The following CHD7 variants were observed in gnomAD, a reference collection of about 807,000 sequenced individuals.
CHD7 encodes ATP-dependent chromatin remodeler CHD7.
A neutral mutation model predicts 307.3 loss-of-function variants in CHD7; 24 were observed. The observed-to-expected ratio is 0.08, with a 90% confidence interval of 0.06 to 0.11. The LOEUF is 0.11. Among genes scored for constraint, CHD7 ranks in the 10% least tolerant of loss-of-function variants. CHD7 has a pLI of 1.00. For missense variants in CHD7, 3,106 were observed against 3,727.1 expected, an observed-to-expected ratio of 0.83 and a Z score of 4.34; for synonymous variants, 1,363 against 1,349.9, an observed-to-expected ratio of 1.01 and a Z score of -0.21.
At position 60,742,886 on chromosome 8, in the gene CHD7, T is replaced by C. The variant is rs1313748646; in HGVS notation, c.1454T>C (p.Leu485Pro). The C allele has an allele frequency of 7.4e-6, 12 of 1,612,354 alleles. No homozygotes were observed. The highest frequency in any genetic ancestry group is 6.7e-5 in the East Asian group (3 of 44,846). Residue 485 changes from leucine (L) to proline (P), a missense_variant, in exon 2 of 38, where the codon CTT becomes CCT. Coordinates refer to ENST00000423902, the MANE Select transcript of CHD7 (RefSeq NM_017780.4). The stretch of plus-strand genomic sequence containing the variant: ...CCAAATGGTTGTCCTGGTGTTGGCC[T>C]TGGAGACCCACAAGCAATCCAGGAA... ...MRPNGCPGVG[L>P]GDPQAIQERL...
At chr8:60,715,211 G>C (rs902698899) in intron 1 of CHD7, among the ~76,000 whole-genome samples, 8 of 152,160 alleles carry the variant, frequency 5.3e-5, no homozygotes, top group Admixed American at 3.9e-4. Context: ...ACTTTGGAGT[G>C]CATTTTTATT....
In CHD7 at chr8:60,742,980, A is replaced by C; in HGVS notation, c.1548A>C (p.Pro516=). The part of the protein sequence containing the change: ...PSFQQLPTCP[P]LQPHPGLHHQ... Reference sequence around the variant, plus strand: ...TTCAGCAGTTGCCAACCTGTCCTCCACTGCAGCCTCACCCGGGCTTGCACC... The same window carrying C: ...TTCAGCAGTTGCCAACCTGTCCTCCCCTGCAGCCTCACCCGGGCTTGCACC... The change falls in exon 2 of 38, where the codon CCA becomes CCC. Residue 516 remains proline, a synonymous_variant. Coordinates refer to ENST00000423902, the MANE Select transcript of CHD7 (RefSeq NM_017780.4). 1 of 1,613,754 alleles carries C rather than the reference A, an allele frequency of 6.2e-7. No homozygotes were observed. Among genetic ancestry groups the C allele is most frequent in the Non-Finnish European group, 8.5e-7 (1 of 1,179,796 alleles).
chr8:60,690,650 A>G (rs1042106509), intron 1 of CHD7, among the ~76,000 whole-genome samples: 6 of 152,218 alleles, frequency 3.9e-5, no homozygotes, highest in African/African-American at 1.4e-4. Context: ...ACACAATTCA[A>G]GGACATAAGT....
At chr8:60,820,773 A>ACT (rs1803990390) in intron 9 of CHD7, among the ~76,000 whole-genome samples, 1 of 151,698 alleles carries the variant, frequency 6.6e-6, no homozygotes, top group South Asian at 2.1e-4. Flanking sequence ...TCTGCAAAGA[A>ACT]CTCTCATTTT....
chr8:60,819,120 A>G (rs1384103607), intron 8 of CHD7, among the ~76,000 whole-genome samples: 1 of 151,846 alleles, frequency 6.6e-6, no homozygotes, highest in Non-Finnish European at 1.5e-5. Flanking sequence ...TGCCCAGCTT[A>G]TTTTTTGTAT....
intron 15 of CHD7, among the ~76,000 whole-genome samples, chr8:60,832,452 G>A (rs894995514): frequency 6.6e-6 from 1 of 152,194 alleles, no homozygotes; most frequent in African/African-American, 2.4e-5. Flanking sequence ...GTTACGGTGA[G>A]TGTTAACTAG....
intron 11 of CHD7, among the ~76,000 whole-genome samples, 151 bp downstream of exon 11, chr8:60,822,296 A>G (rs1405836014): frequency 6.6e-6 from 1 of 152,200 alleles, no homozygotes; most frequent in Admixed American, 6.5e-5. Flanking sequence ...TATTTAATAA[A>G]TATTAATACA....
chr8:60,778,059 A>G (rs1275909710), intron 2 of CHD7, among the ~76,000 whole-genome samples: 1 of 129,350 alleles, frequency 7.7e-6, no homozygotes, highest in Non-Finnish European at 1.6e-5. Context: ...AAAATTAAAT[A>G]GTATTAGAGA....
At position 60,851,057 on chromosome 8, in the gene CHD7, G is replaced by A; in HGVS notation, c.5560G>A (p.Asp1854Asn). The A allele has an allele frequency of 1.3e-6, 2 of 1,573,936 alleles. No homozygotes were observed. The highest frequency in any genetic ancestry group is 1.7e-6 in the Non-Finnish European group (2 of 1,158,658). The change falls in exon 27 of 38, where the codon GAC becomes AAC. Residue 1854 changes from aspartate (D) to asparagine (N), a missense_variant. By Grantham distance (23) the Asp-to-Asn change is conservative (BLOSUM62 1). This residue lies in a region of CHD7 where 1,030 missense variants were observed against 1,165.4 expected (regional missense o/e 0.88). Coordinates refer to ENST00000423902, the MANE Select transcript of CHD7 (RefSeq NM_017780.4). ...DGGEFDREDE[D>N]PEYKPTRTPF... ...GGGAGAATTTGATAGAGAAGATGAA[G>A]ACCCAGAATATAAACCAACCAGAAC...
chr8:60,694,140 A>G (rs947250497), intron 1 of CHD7, among the ~76,000 whole-genome samples: 5 of 152,256 alleles, frequency 3.3e-5, no homozygotes, highest in African/African-American at 4.8e-5. Flanking sequence ...TAAAGAGCGA[A>G]TGGCAATTTC....
intron 3 of CHD7, among the ~76,000 whole-genome samples, chr8:60,787,829 C>CTTT (rs33993174): frequency 3.7e-5 from 4 of 108,790 alleles, no homozygotes; most frequent in Admixed American, 9.6e-5. Flanking sequence ...GATTTTCTTT[C>CTTT]TTTTTTTTTT....
chr8:60,761,459 T>C (rs527465082), intron 2 of CHD7, among the ~76,000 whole-genome samples: 2 of 151,878 alleles, frequency 1.3e-5, no homozygotes, highest in African/African-American at 2.4e-5. Flanking sequence ...AACCTGCACA[T>C]TGTGCACATG....
intron 2 of CHD7, among the ~76,000 whole-genome samples, chr8:60,755,795 C>A (rs941214042): frequency 6.6e-6 from 1 of 152,076 alleles, no homozygotes; most frequent in Non-Finnish European, 1.5e-5. Context: ...GAAAGAAAAC[C>A]CTTTTAAATA....
In CHD7 at chr8:60,866,501, A is replaced by G. The variant is rs1305894345; in HGVS notation, c.*568A>G. ...GCCTCTGTCCCGAGGCGCAGCAATA[A>G]TAAGGCAGCTGTTGAATGTGAAGGG... On this transcript the variant is annotated 3_prime_UTR_variant, in exon 38 of 38. Coordinates refer to ENST00000423902, the MANE Select transcript of CHD7 (RefSeq NM_017780.4). The G allele has an allele frequency of 6.6e-6, 1 of 152,594 alleles. No individual in the cohort carries two copies. Among genetic ancestry groups the G allele is most frequent in the Non-Finnish European group, 1.5e-5 (1 of 68,034 alleles). 9.5% of individuals were successfully genotyped at this position (152,594 alleles called of 1,614,324 possible).
At chr8:60,757,645 T>C (rs1586276819) in intron 2 of CHD7, among the ~76,000 whole-genome samples, 1 of 152,214 alleles carries the variant, frequency 6.6e-6, no homozygotes, top group Non-Finnish European at 1.5e-5. Flanking sequence ...AAAGCCATTT[T>C]GGTAAAGAGA....
intron 31 of CHD7, 36 bp from the exon 32 acceptor site, chr8:60,854,319 CTGATACTG>C: frequency 6.3e-7 from 1 of 1,577,484 alleles, no homozygotes; most frequent in Non-Finnish European, 8.7e-7. Context: ...TTCAGTTTCC[CTGATACTG>C]TGGTTGTGAG....
chr8:60,679,151 C>CGGGCCG lies in CHD7; in HGVS notation c.-175+82_-175+87dup, dbSNP rs1363960926. ...CGGCGGCGGCGGCAGGAAATCGCTCCGGGCCGGGGCCGGGGCCGCGCTAGG... is the reference window on the plus strand; with the variant it reads ...CGGCGGCGGCGGCAGGAAATCGCTCCGGGCCGGGGCCGGGGCCGGGGCCGCGCTAGG... On this transcript the variant is annotated intron_variant, in intron 1 of 37. Transcript: ENST00000423902. The CGGGCCG allele has an allele frequency of 3.0e-3, 475 of 156,186 alleles. 2 individuals are homozygous for CGGGCCG. The highest frequency in any genetic ancestry group is 4.6e-3 in the Non-Finnish European group (332 of 71,718). The allele number at this position is 156,186 out of a possible 1,614,324, so 9.7% of individuals were successfully genotyped here.
chr8:60,781,305 A>G lies in CHD7; in HGVS notation c.1971A>G (p.Lys657=), dbSNP rs770172530. ...SKAKKDPKEP[K]EPKEKKEPKE... The stretch of plus-strand genomic sequence containing the variant: ...CAAAAAAAGACCCGAAGGAACCGAA[A>G]GAACCCAAGGAGAAAAAAGAGCCCA... Residue 657 remains lysine, a synonymous_variant, in exon 3 of 38, where the codon AAA becomes AAG. Coordinates refer to ENST00000423902, the MANE Select transcript of CHD7 (RefSeq NM_017780.4). 3.2e-6 allele frequency: 5 copies of G among 1,567,996 alleles called. No homozygotes were observed. Among genetic ancestry groups the G allele is most frequent in the Non-Finnish European group, 3.5e-6 (4 of 1,157,084 alleles).
intron 6 of CHD7, 40 bp from the exon 7 acceptor site, chr8:60,808,177 A>G (rs778592137): frequency 6.6e-6 from 9 of 1,359,718 alleles, no homozygotes; most frequent in Admixed American, 3.6e-5. Flanking sequence ...ATTCTAGTAG[A>G]TGGTTTTAAA....
Sources: gnomAD v4.1 joint callset for allele counts (sites outside exome capture counted in the v4.1 genomes callset) on GRCh38, gnomAD v4.1.1 for gene constraint, gnomAD v4.1.1 regional missense constraint, MANE v1.5 for transcripts, NCBI Gene and HGNC (gene_info 2026-07-23, HGNC 2026-07-21) for gene names.